The following PDE4D variants were observed in gnomAD, a reference collection of about 807,000 sequenced individuals.
PDE4D encodes the protein phosphodiesterase 4D, also known as 3',5'-cyclic-AMP phosphodiesterase 4D.
In PDE4D, 24 loss-of-function variants were observed where a neutral mutation model predicts 87.4. The ratio of observed to expected loss-of-function variants is 0.27; its 90% CI spans 0.20 to 0.39. PDE4D has a LOEUF of 0.39. PDE4D is among the 10% of genes least tolerant of loss of function. The pLI is 1.00. For synonymous variants in PDE4D, 384 were observed against 383.2 expected, an observed-to-expected ratio of 1.00 and a Z score of -0.02; for missense variants, 714 against 1,041.0, an observed-to-expected ratio of 0.69 and a Z score of 4.32.
At position 59,492,592 on chromosome 5, in the gene PDE4D, T is replaced by C. The variant is rs372589209; in HGVS notation, c.456-276624A>G. Among the ~76,000 whole-genome samples, 3 of 152,340 alleles carry C rather than the reference T, an allele frequency of 2.0e-5. No homozygotes were observed. The East Asian group carries it at 5.8e-4, about 29-fold the overall frequency. ...GTGTGAGAATACCTGGTTTCTTTTT[T>C]ACTGCCCTCAACTGAATTTCTCATC... On this transcript the variant is annotated intron_variant, in intron 1 of 14. Coordinates refer to ENST00000340635, the MANE Select transcript of PDE4D (RefSeq NM_001104631.2).
chr5:59,894,623 A>G (rs1751443019), upstream of PDE4D, among the ~76,000 whole-genome samples: 1 of 152,188 alleles, frequency 6.6e-6, no homozygotes, highest in Non-Finnish European at 1.5e-5. Context: ...AGGTTAAGGC[A>G]CCTTTTCAAT....
intron 1 of PDE4D, among the ~76,000 whole-genome samples, chr5:60,514,227 T>C (rs1202603915): frequency 6.6e-6 from 1 of 152,028 alleles, no homozygotes; most frequent in Non-Finnish European, 1.5e-5. Context: ...TAAACTTGTT[T>C]ATATGAAATG....
intron 1 of PDE4D, among the ~76,000 whole-genome samples, chr5:60,256,368 A>G (rs1371644957): frequency 6.6e-6 from 1 of 151,988 alleles, no homozygotes; most frequent in Non-Finnish European, 1.5e-5. Flanking sequence ...GAAACCACTT[A>G]TTTATTTAAA....
At chr5:60,275,954 T>C (rs530321942) in intron 1 of PDE4D, among the ~76,000 whole-genome samples, 3 of 152,190 alleles carry the variant, frequency 2.0e-5, no homozygotes, top group Non-Finnish European at 4.4e-5. Flanking sequence ...TATCTTTCTC[T>C]TATTGATTTC....
chr5:60,314,798 C>A (rs901699026), intron 1 of PDE4D, among the ~76,000 whole-genome samples: 3 of 152,084 alleles, frequency 2.0e-5, no homozygotes, highest in Admixed American at 6.5e-5. Context: ...CATCCATGTC[C>A]CTACAAAGGA....
chr5:59,471,706 C>T (rs560877612), intron 1 of PDE4D, among the ~76,000 whole-genome samples: 1 of 152,262 alleles, frequency 6.6e-6, no homozygotes, highest in Non-Finnish European at 1.5e-5. Context: ...AAGGGAAGGT[C>T]GTTAAAAAGG....
At chr5:60,319,418 C>G (rs920222855) in intron 1 of PDE4D, among the ~76,000 whole-genome samples, 1 of 152,158 alleles carries the variant, frequency 6.6e-6, no homozygotes, top group African/African-American at 2.4e-5. Context: ...AACTTCTTTG[C>G]CATGGCTTCG....
chr5:59,023,829 C>T (rs1755689742), intron 6 of PDE4D, among the ~76,000 whole-genome samples: 1 of 150,944 alleles, frequency 6.6e-6, no homozygotes, highest in African/African-American at 2.4e-5. Flanking sequence ...TCATATGTAT[C>T]AAACAGACAA....
chr5:59,154,692 C>T (rs1779911091), intron 5 of PDE4D, among the ~76,000 whole-genome samples: 1 of 152,260 alleles, frequency 6.6e-6, no homozygotes, highest in Non-Finnish European at 1.5e-5. Flanking sequence ...TCGAGACCAG[C>T]CTGGCCAACA....
chr5:60,215,006 C>G (rs2962967), intron 1 of PDE4D, among the ~76,000 whole-genome samples: 33,536 of 151,990 alleles, frequency 0.22, 3,879 homozygotes, highest in Middle Eastern at 0.36. Context: ...TATGTCAGTA[C>G]TGATGCAACG....
At chr5:59,734,019 C>A (rs1757742185) in intron 1 of PDE4D, among the ~76,000 whole-genome samples, 1 of 151,946 alleles carries the variant, frequency 6.6e-6, no homozygotes, top group African/African-American at 2.4e-5. Context: ...TCATAAACTT[C>A]TATTTAATGA....
upstream of PDE4D, chr5:60,491,536 T>A (rs2150235194): frequency 6.6e-6 from 1 of 152,338 alleles, no homozygotes; most frequent in East Asian, 1.9e-4. Flanking sequence ...CTTTTAGTAC[T>A]CATATATTGC....
At chr5:59,499,138 A>G (rs1807788005) in intron 1 of PDE4D, among the ~76,000 whole-genome samples, 1 of 152,120 alleles carries the variant, frequency 6.6e-6, no homozygotes, top group Admixed American at 6.5e-5. Context: ...ACACAAATAC[A>G]GGAAACTAAT....
At chr5:59,204,657 G>A (rs1195459006) in intron 2 of PDE4D, among the ~76,000 whole-genome samples, 1 of 152,180 alleles carries the variant, frequency 6.6e-6, no homozygotes, top group Non-Finnish European at 1.5e-5. Context: ...TCCATGGAGG[G>A]AAGAAAGACA....
At chr5:59,931,596 T>C (rs1755927948) in intron 3 of PDE4D, among the ~76,000 whole-genome samples, 1 of 151,510 alleles carries the variant, frequency 6.6e-6, no homozygotes. Context: ...AACCTATTAA[T>C]CCAGAAATCA....
intron 3 of PDE4D, among the ~76,000 whole-genome samples, chr5:59,974,580 C>T (rs1385964962): frequency 6.6e-6 from 1 of 152,130 alleles, no homozygotes; most frequent in Non-Finnish European, 1.5e-5. Context: ...CTTACTGGGA[C>T]TAGGACAAAC....
In PDE4D at chr5:60,278,811, G is replaced by A. The variant is rs1283316739; in HGVS notation, c.-89-93124C>T. 2.0e-5 allele frequency among the ~76,000 whole-genome samples: 3 copies of A among 151,728 alleles called. No homozygotes were observed. In the East Asian group the frequency reaches 5.8e-4, roughly 29 times the overall value. ...TCTCTACTTTTTCATTCATTCTAAA[G>A]GTGTTCAGATTTGCTCATTGAAGCG... is the stretch of plus-strand genomic sequence containing the variant. On this transcript the variant is annotated intron_variant, in intron 1 of 16. Coordinates refer to the PDE4D transcript ENST00000502484.
chr5:59,695,338 C>T (rs1443941249), intron 1 of PDE4D, among the ~76,000 whole-genome samples: 1 of 152,122 alleles, frequency 6.6e-6, no homozygotes, highest in Admixed American at 6.5e-5. Flanking sequence ...AATTGCTTCC[C>T]CAAGGCAGGA....
chr5:60,336,576 C>T (rs1237567802), intron 1 of PDE4D, among the ~76,000 whole-genome samples: 1 of 152,196 alleles, frequency 6.6e-6, no homozygotes. Flanking sequence ...AAGCCAAGAA[C>T]TTCAGTCTTC....
Sources: allele counts gnomAD v4.1 joint callset (sites outside exome capture counted in the v4.1 genomes callset), GRCh38; gene constraint gnomAD v4.1.1; transcripts MANE v1.5; gene names NCBI Gene and HGNC (gene_info 2026-07-23, HGNC 2026-07-21).